The following SFI1 variants were observed in gnomAD, a reference collection of about 807,000 sequenced individuals.
SFI1 encodes the protein protein SFI1 homolog.
Under a neutral mutation model 207.5 loss-of-function variants are expected in SFI1, and 195 were observed. The ratio of observed to expected loss-of-function variants is 0.94; its 90% CI spans 0.84 to 1.06. The LOEUF (loss-of-function observed/expected upper bound fraction) is 1.06, where lower values mean the gene tolerates loss of function less well. Among genes scored for constraint, SFI1 ranks in the 50% least tolerant of loss-of-function variants. The probability of loss-of-function intolerance (pLI) is 0.00; values close to 1 mark genes in which losing one functional copy is unlikely to be tolerated. For synonymous variants in SFI1, 630 were observed against 598.9 expected (o/e 1.05, Z -0.76); for missense variants, 1,634 against 1,588.0 (o/e 1.03, Z -0.49).
Position 31,546,881 on chromosome 22 carries a change from T to C in SFI1, c.359T>C (p.Leu120Ser). The C allele has an allele frequency of 6.2e-7, 1 of 1,609,452 alleles. No homozygotes were observed. Among genetic ancestry groups the C allele is most frequent in the Non-Finnish European group, 8.5e-7 (1 of 1,177,906 alleles). The part of the protein sequence containing the change: ...SKARFYYEQR[L>S]LRKVFEEWKE... ...CGTAGATTTTACTATGAGCAGCGAT[T>C]ACTACGGAAGGTCTTCGAAGAATGG... is the stretch of plus-strand genomic sequence containing the variant. Residue 120 changes from leucine (L) to serine (S), a missense_variant, in exon 5 of 33, where the codon TTA (leucine) becomes TCA (serine). Physicochemically the swap from Leu to Ser is moderately radical, Grantham distance 145. Transcript: ENST00000400288.
At chr22:31,509,512 T>TA (rs889001467) in intron 2 of SFI1, among the ~76,000 whole-genome samples, 3 of 152,220 alleles carry the variant, frequency 2.0e-5, no homozygotes, top group Non-Finnish European at 4.4e-5. Flanking sequence ...AAGACTTAGC[T>TA]AGTCAGCTTC....
intron 4 of SFI1, among the ~76,000 whole-genome samples, chr22:31,535,273 T>A (rs1231230594): frequency 6.8e-6 from 1 of 147,244 alleles, no homozygotes; most frequent in African/African-American, 2.5e-5. Context: ...CACTGTAACC[T>A]CTGCCTTCCG....
intron 2 of SFI1, 66 bp downstream of exon 2, chr22:31,508,442 G>T (rs1359730461): frequency 5.0e-6 from 6 of 1,199,488 alleles, no homozygotes; most frequent in Non-Finnish European, 7.2e-6. Flanking sequence ...TAAACATTTT[G>T]TGTATGAAAA....
chr22:31,509,358 C>T (rs981010411), intron 2 of SFI1, among the ~76,000 whole-genome samples: 2 of 152,216 alleles, frequency 1.3e-5, no homozygotes, highest in African/African-American at 4.8e-5. Flanking sequence ...GGGAAGCCAA[C>T]AGTGCAGCCT....
intron 12 of SFI1, among the ~76,000 whole-genome samples, chr22:31,581,015 A>C (rs1033780405): frequency 1.3e-5 from 2 of 151,476 alleles, no homozygotes; most frequent in Non-Finnish European, 2.9e-5. Flanking sequence ...TTTTTTCTTT[A>C]CTTATTTAGA....
intron 15 of SFI1, among the ~76,000 whole-genome samples, chr22:31,598,232 G>A (rs1019251555): frequency 2.0e-5 from 3 of 151,586 alleles, no homozygotes; most frequent in Non-Finnish European, 2.9e-5. Context: ...TGATCCGCCC[G>A]CCTTGGCCTC....
At position 31,580,271 on chromosome 22, in the gene SFI1, G is replaced by A. The variant is rs2063955802; in HGVS notation, c.1156-1G>A. ...ATCAGTTGTGTCCTTTCTTTGCACA[G>A]TATTTTTGCTTTAGAGCCCTAAAAG... is the stretch of plus-strand genomic sequence containing the variant. On this transcript the variant is annotated splice_acceptor_variant, in intron 11 of 32. Coordinates refer to ENST00000400288, the MANE Select transcript of SFI1 (RefSeq NM_001007467.3). LOFTEE classifies it high-confidence loss of function. 3 of 1,612,486 alleles carry A rather than the reference G, an allele frequency of 1.9e-6. No homozygotes were observed. Among genetic ancestry groups the A allele is most frequent in the Middle Eastern group, 1.7e-4 (1 of 6,058 alleles).
chr22:31,508,813 C>T (rs79505138), intron 2 of SFI1, among the ~76,000 whole-genome samples: 1 of 152,012 alleles, frequency 6.6e-6, no homozygotes, highest in East Asian at 1.9e-4. Flanking sequence ...GGTAATTGTT[C>T]CCTCCCCTCA....
chr22:31,599,894 T>A (rs1056215740), intron 15 of SFI1, among the ~76,000 whole-genome samples: 4 of 151,658 alleles, frequency 2.6e-5, no homozygotes, highest in South Asian at 2.1e-4. Context: ...TTTTTTTTTT[T>A]AAGAAATAAA....
Position 31,550,362 on chromosome 22 carries a change from G to A in SFI1, c.544+14G>A, listed in dbSNP as rs748819804. 1 of 1,607,738 alleles carries A rather than the reference G, an allele frequency of 6.2e-7. No individual in the cohort carries two copies. The highest frequency in any genetic ancestry group is 8.5e-7 in the Non-Finnish European group (1 of 1,174,464). ...CCGAGGTTCATGGTGAGAAAAAGAA[G>A]TCCATGTCTGAAGAAGATGCCCACA... On this transcript the variant is annotated intron_variant, in intron 6 of 32. Coordinates refer to ENST00000400288, the MANE Select transcript of SFI1 (RefSeq NM_001007467.3).
chr22:31,550,402 G>A, intron 6 of SFI1, 54 bp downstream of exon 6: 1 of 1,412,614 alleles, frequency 7.1e-7, no homozygotes, highest in South Asian at 1.2e-5. Flanking sequence ...CTTTGCAGAA[G>A]GTCATAGGAA....
intron 24 of SFI1, 129 bp downstream of exon 24, chr22:31,611,969 C>T: frequency 6.9e-7 from 1 of 1,453,188 alleles, no homozygotes; most frequent in Non-Finnish European, 9.1e-7. Flanking sequence ...CCCAGGGCCA[C>T]CTCCTCTACC....
chr22:31,589,213 T>C (rs5994408), intron 14 of SFI1, among the ~76,000 whole-genome samples: 1 of 7,692 alleles, frequency 1.3e-4, no homozygotes, highest in African/African-American at 3.4e-4. Context: ...TGTGTGTGCG[T>C]GTGTGTGTGT....
intron 7 of SFI1, chr22:31,559,549 C>A: frequency 1.7e-6 from 1 of 594,446 alleles, no homozygotes; most frequent in South Asian, 1.7e-5. Context: ...CATCAACGGG[C>A]AGCAGAAAAT....
intron 15 of SFI1, among the ~76,000 whole-genome samples, chr22:31,598,822 C>A (rs2067624942): frequency 2.2e-5 from 2 of 92,176 alleles, no homozygotes; most frequent in Non-Finnish European, 4.0e-5. Flanking sequence ...GAGATGGAGT[C>A]TTGCTCTGTT....
Position 31,617,057 on chromosome 22 carries a change from A to G in SFI1, c.3491A>G (p.Gln1164Arg). 6.2e-7 allele frequency: 1 copy of G among 1,614,052 alleles called. No homozygotes were observed. The highest frequency in any genetic ancestry group is 8.5e-7 in the Non-Finnish European group (1 of 1,180,018). ...ATCCAGCAGCAACTACTGCACTACC[A>G]GACCACCAAGCAGAACCTCTGGTGA... Reference protein sequence around the residue: ...EEIQQQLLHYQTTKQNLWSCR... With the variant: ...EEIQQQLLHYRTTKQNLWSCR... The change falls in exon 31 of 33, where the codon CAG becomes CGG. Residue 1164 changes from glutamine (Q) to arginine (R), a missense_variant. Physicochemically the swap from Gln to Arg is conservative, Grantham distance 43 (BLOSUM62 1). Coordinates refer to ENST00000400288, the MANE Select transcript of SFI1 (RefSeq NM_001007467.3).
chr22:31,521,913 G>A (rs747195367), intron 2 of SFI1, among the ~76,000 whole-genome samples: 3 of 151,750 alleles, frequency 2.0e-5, no homozygotes, highest in African/African-American at 7.3e-5. Flanking sequence ...GCAGGCATGC[G>A]TCACCATGCT....
chr22:31,571,639 A>G (rs574067357), intron 8 of SFI1, among the ~76,000 whole-genome samples: 4 of 152,116 alleles, frequency 2.6e-5, no homozygotes, highest in Non-Finnish European at 4.4e-5. Context: ...ATCTTGCCAC[A>G]TTTGCTTTCT....
rs529406591 is a variant in SFI1, at chr22:31,580,258, C to G, written c.1156-14C>G. ...CCCAGTCCTTGTAATCAGTTGTGTC[C>G]TTTCTTTGCACAGTATTTTTGCTTT... On this transcript the variant is annotated splice_polypyrimidine_tract_variant and intron_variant, in intron 11 of 32. Coordinates refer to ENST00000400288, the MANE Select transcript of SFI1 (RefSeq NM_001007467.3). 1.6e-5 allele frequency: 25 copies of G among 1,607,144 alleles called. No homozygotes were observed. Among genetic ancestry groups the G allele is most frequent in the Non-Finnish European group, 2.0e-5 (23 of 1,173,786 alleles).
Sources: allele counts gnomAD v4.1 joint callset (sites outside exome capture counted in the v4.1 genomes callset), GRCh38; gene constraint gnomAD v4.1.1; transcripts MANE v1.5; gene names NCBI Gene and HGNC (gene_info 2026-07-23, HGNC 2026-07-21).